SOS1: variants seen among roughly 807,000 people sequenced by gnomAD.
SOS1 encodes SOS Ras/Rac guanine nucleotide exchange factor 1.
In SOS1, 25 loss-of-function variants were observed where a neutral mutation model predicts 157.6. That is an observed-to-expected ratio of 0.16 (90% CI 0.12 to 0.22). SOS1 has a LOEUF of 0.22. SOS1 is among the 10% of genes least tolerant of loss of function. SOS1 has a pLI of 1.00. For missense variants in SOS1, 1,237 were observed against 1,599.1 expected (o/e 0.77, Z 3.86); for synonymous variants, 528 against 534.0 (o/e 0.99, Z 0.16).
At chr2:39,104,369 C>A (rs1016514265) in intron 1 of SOS1, among the ~76,000 whole-genome samples, 70 of 152,066 alleles carry the variant, frequency 4.6e-4, no homozygotes, top group African/African-American at 1.4e-3. Flanking sequence ...CCAATAAGCA[C>A]ATGAAAAGAT....
At position 38,986,133 on chromosome 2, in the gene SOS1, T is replaced by C. The variant is rs772625418; in HGVS notation, c.3693A>G (p.Leu1231=). ...RTPDVFSSSP[L]HLQPPPLGKK... The stretch of plus-strand genomic sequence containing the variant: ...TGCCCAAAGGGGGAGGTTGGAGATG[T>C]AGTGGTGAGCTTGAGAAAACATCAG... Residue 1231 remains leucine (L), a synonymous_variant, in exon 23 of 23, where the codon CTA becomes CTG. Transcript: ENST00000402219. 1.9e-6 allele frequency: 3 copies of C among 1,613,684 alleles called. No individual in the cohort carries two copies. Among genetic ancestry groups the C allele is most frequent in the African/African-American group, 1.3e-5 (1 of 74,922 alleles).
chr2:39,110,430 C>T (rs751867895), intron 1 of SOS1, among the ~76,000 whole-genome samples: 3 of 151,648 alleles, frequency 2.0e-5, no homozygotes, highest in East Asian at 3.9e-4. Flanking sequence ...TACATACACA[C>T]GAATCATGTA....
At chr2:39,045,550 CTTACT>C (rs1437856777) in intron 6 of SOS1, among the ~76,000 whole-genome samples, 1 of 151,886 alleles carries the variant, frequency 6.6e-6, no homozygotes, top group African/African-American at 2.4e-5. Flanking sequence ...CTCCTCAGTG[CTTACT>C]TTGTGTAATT....
chr2:39,044,095 G>A (rs934807278), intron 6 of SOS1, among the ~76,000 whole-genome samples: 1 of 152,188 alleles, frequency 6.6e-6, no homozygotes, highest in African/African-American at 2.4e-5. Flanking sequence ...GGTGGCTCAC[G>A]TATGTAATAC....
At chr2:39,014,041 C>T (rs780425104) in intron 11 of SOS1, 52 bp from the exon 12 acceptor site, 20 of 1,425,816 alleles carry the variant, frequency 1.4e-5, no homozygotes, top group Non-Finnish European at 2.0e-5. Context: ...TCGAGTTATA[C>T]AAATAGAAAA....
chr2:39,044,316 ATG>A, intron 6 of SOS1, among the ~76,000 whole-genome samples: 1 of 152,126 alleles, frequency 6.6e-6, no homozygotes, highest in East Asian at 1.9e-4. Flanking sequence ...CACACCTAGT[ATG>A]TGTGTTTCCT....
At chr2:39,008,617 A>G (rs1171249641) in intron 15 of SOS1, among the ~76,000 whole-genome samples, 1 of 152,228 alleles carries the variant, frequency 6.6e-6, no homozygotes, top group East Asian at 1.9e-4. Flanking sequence ...TCCTGGGGTC[A>G]GAACAAGTAT....
Position 39,013,921 on chromosome 2 carries a change from A to G in SOS1, c.2009T>C (p.Leu670Ser). The part of the protein sequence containing the change: ...RIAIENGDQP[L>S]SAELKRFRKE... The stretch of plus-strand genomic sequence containing the variant: ...TCTAAATCTTTTCAGTTCTGCACTC[A>G]AGGGTTGATCTCCATTCTCTATAGC... The change falls in exon 12 of 23, where the codon TTG (leucine) becomes TCG (serine). Residue 670 changes from leucine to serine, a missense_variant. Leu to Ser is a moderately radical substitution (Grantham distance 145, BLOSUM62 -2). This residue lies in a region of SOS1 where 55 missense variants were observed against 43.1 expected (regional missense o/e 1.27). Coordinates refer to ENST00000402219, the MANE Select transcript of SOS1 (RefSeq NM_005633.4). 1.2e-6 allele frequency: 2 copies of G among 1,607,716 alleles called. No individual in the cohort carries two copies. Among genetic ancestry groups the G allele is most frequent in the Non-Finnish European group, 1.7e-6 (2 of 1,174,662 alleles).
rs749485750 is a variant in SOS1, at chr2:39,058,770, T to C, written c.248A>G (p.Asp83Gly). ...RVQKSFPHPIDKWAIADAQSA... is the reference protein window; with the variant it reads ...RVQKSFPHPIGKWAIADAQSA... ...TTGGGCATCAGCTATTGCCCATTTA[T>C]CAATTGGATGAGGGAAACTTTTTTG... is the stretch of plus-strand genomic sequence containing the variant. Residue 83 changes from aspartate to glycine, a missense_variant, in exon 3 of 23, where the codon GAT becomes GGT. Asp to Gly is a moderately conservative substitution (Grantham distance 94). This residue lies in a region of SOS1 where 19 missense variants were observed against 39.4 expected (regional missense o/e 0.48). Transcript: ENST00000402219. 1.9e-6 allele frequency: 3 copies of C among 1,612,504 alleles called. No homozygotes were observed.
chr2:39,062,046 T>C lies in SOS1; in HGVS notation c.214-3242A>G, dbSNP rs138791023. ...ATACTTTGGTATGTGTGGGAGAAATTTGTTTTTGTTTAGAAAGGTAGAAAA... is the reference window on the plus strand; with the variant it reads ...ATACTTTGGTATGTGTGGGAGAAATCTGTTTTTGTTTAGAAAGGTAGAAAA... On this transcript the variant is annotated intron_variant, in intron 2 of 22. Coordinates refer to ENST00000402219, the MANE Select transcript of SOS1 (RefSeq NM_005633.4). Among the ~76,000 whole-genome samples the C allele has an allele frequency of 1.3e-4, 20 of 152,092 alleles. No individual in the cohort carries two copies. The East Asian group carries it at 1.5e-3, about 12-fold the overall frequency.
chr2:39,031,120 T>A (rs1670145143), intron 8 of SOS1, among the ~76,000 whole-genome samples: 1 of 152,228 alleles, frequency 6.6e-6, no homozygotes, highest in African/African-American at 2.4e-5. Context: ...TTCTGTTGTT[T>A]ATAAGCCTCT....
chr2:38,985,921 A>T lies in SOS1; in HGVS notation c.3905T>A (p.Ile1302Asn). Residue 1302 changes from isoleucine (I) to asparagine (N), a missense_variant, in exon 23 of 23, where the codon ATC becomes AAC. Physicochemically the swap from Ile to Asn is moderately radical, Grantham distance 149. Around this residue, in one of 15 missense-constraint regions of SOS1, gnomAD observed 306 missense variants for 322.6 expected, o/e 0.95. Coordinates refer to ENST00000402219, the MANE Select transcript of SOS1 (RefSeq NM_005633.4). ...GTAAGTTTTTGGAGGGAGTTTAGGG[A>T]TATGTTGAGAAGTGCTTTGTCGTGG... Reference protein sequence around the residue: ...VPPRQSTSQHIPKLPPKTYKR... With the variant: ...VPPRQSTSQHNPKLPPKTYKR... 6.2e-7 allele frequency: 1 copy of T among 1,613,806 alleles called. No individual in the cohort carries two copies. Among genetic ancestry groups the T allele is most frequent in the Non-Finnish European group, 8.5e-7 (1 of 1,179,870 alleles).
chr2:39,041,052 G>A (rs1445703018), intron 6 of SOS1, among the ~76,000 whole-genome samples: 1 of 152,020 alleles, frequency 6.6e-6, no homozygotes, highest in East Asian at 1.9e-4. Context: ...ATGTGAAGTG[G>A]TACTGCATAA....
At chr2:38,998,837 A>T (rs1025267300) in intron 17 of SOS1, among the ~76,000 whole-genome samples, 1 of 152,142 alleles carries the variant, frequency 6.6e-6, no homozygotes, top group East Asian at 1.9e-4. Flanking sequence ...CACTCCCCAC[A>T]TGTGTACGGA....
chr2:39,031,314 G>GT (rs917249080), intron 8 of SOS1, among the ~76,000 whole-genome samples: 1 of 152,134 alleles, frequency 6.6e-6, no homozygotes, highest in African/African-American at 2.4e-5. Context: ...ATCCTGGATG[G>GT]TTTTTTCTAA....
chr2:39,036,636 C>T (rs1013162755), intron 6 of SOS1, among the ~76,000 whole-genome samples: 1 of 152,090 alleles, frequency 6.6e-6, no homozygotes, highest in Non-Finnish European at 1.5e-5. Flanking sequence ...TGCAGTGGCG[C>T]GATCTCGGCT....
chr2:39,116,202 A>G (rs928843843), intron 1 of SOS1, among the ~76,000 whole-genome samples: 2 of 152,114 alleles, frequency 1.3e-5, no homozygotes, highest in Non-Finnish European at 2.9e-5. Flanking sequence ...TTAAGTCAAC[A>G]TTTCCAAAAA....
intron 2 of SOS1, among the ~76,000 whole-genome samples, chr2:39,064,592 C>A (rs191040009): frequency 6.6e-6 from 1 of 152,214 alleles, no homozygotes; most frequent in Admixed American, 6.5e-5. Flanking sequence ...TTCCTCCCAA[C>A]TGTAAATATG....
chr2:39,045,225 A>C (rs968007295), intron 6 of SOS1, among the ~76,000 whole-genome samples: 1 of 147,276 alleles, frequency 6.8e-6, no homozygotes, highest in Non-Finnish European at 1.5e-5. Context: ...ATTGAGTGTG[A>C]GGGAATGAGA....
Sources: gnomAD v4.1 joint callset for allele counts (sites outside exome capture counted in the v4.1 genomes callset) on GRCh38, gnomAD v4.1.1 for gene constraint, gnomAD v4.1.1 regional missense constraint, MANE v1.5 for transcripts, NCBI Gene and HGNC (gene_info 2026-07-23, HGNC 2026-07-21) for gene names.